PI16: variants seen among roughly 807,000 people sequenced by gnomAD.
PI16 encodes PSP94-binding protein.
In PI16, 35 loss-of-function variants were observed where a neutral mutation model predicts 38.0. The ratio of observed to expected loss-of-function variants is 0.92; its 90% CI spans 0.70 to 1.22. PI16 has a LOEUF of 1.22. PI16 is among the 50% of genes most tolerant of loss of function. The pLI is 0.00. For missense variants in PI16, 572 were observed against 593.8 expected, an observed-to-expected ratio of 0.96 and a Z score of 0.38; for synonymous variants, 275 against 252.9, an observed-to-expected ratio of 1.09 and a Z score of -0.83.
chr6:36,959,824 C>T (rs1173324188), intron 2 of PI16, among the ~76,000 whole-genome samples: 1 of 149,576 alleles, frequency 6.7e-6, no homozygotes, highest in Non-Finnish European at 1.5e-5. Context: ...GTCGTGATCA[C>T]ACCACTACAC....
chr6:36,956,561 G>A (rs1763212879), intron 1 of PI16, among the ~76,000 whole-genome samples: 1 of 152,206 alleles, frequency 6.6e-6, no homozygotes, highest in Non-Finnish European at 1.5e-5. Flanking sequence ...CAAGACTCAG[G>A]TTCAACCTCA....
chr6:36,952,002 C>CTT (rs796271084), upstream of PI16, among the ~76,000 whole-genome samples: 24 of 137,608 alleles, frequency 1.7e-4, no homozygotes, highest in African/African-American at 3.5e-4. Context: ...GAAATTGTGT[C>CTT]TTTTTTTTTT....
upstream of PI16, chr6:36,954,648 C>T: frequency 6.8e-7 from 1 of 1,478,134 alleles, no homozygotes; most frequent in Non-Finnish European, 9.0e-7. Flanking sequence ...TCGGGCTGGG[C>T]CTCAAACACG....
Position 36,959,206 on chromosome 6 carries a change from AC to A in PI16, c.234del (p.His78GlnfsTer94). On this transcript the variant is annotated frameshift_variant, in exon 2 of 7. Coordinates refer to ENST00000373674, the MANE Select transcript of PI16 (RefSeq NM_153370.3). LOFTEE classifies it high-confidence loss of function. Reference sequence around the variant, plus strand: ...TACGCACGGCAGTGCGTGTGGGGCCACAACAAGGAGCGCGGGCGCCGCGGCG... The same window carrying A: ...TACGCACGGCAGTGCGTGTGGGGCCAAACAAGGAGCGCGGGCGCCGCGGCG... ...KAYARQCVWGHNKERGRRGEN... is the reference protein window; with the variant it reads ...KAYARQCVWGXNKERGRRGEN... 6.2e-7 allele frequency: 1 copy of A among 1,611,488 alleles called. No individual in the cohort carries two copies. The highest frequency in any genetic ancestry group is 1.1e-5 in the South Asian group (1 of 90,574).
intron 2 of PI16, among the ~76,000 whole-genome samples, chr6:36,960,702 G>A (rs1297351078): frequency 3.8e-5 from 5 of 131,440 alleles, no homozygotes; most frequent in African/African-American, 1.4e-4. Flanking sequence ...TCAGGACCCA[G>A]CAGGGAGTGA....
Position 36,962,820 on chromosome 6 carries a change from G to C in PI16, c.593-115G>C, listed in dbSNP as rs913929804. On this transcript the variant is annotated intron_variant, in intron 4 of 6. Transcript: ENST00000373674. The surrounding 1 kb of genome is among the most constrained non-coding windows in gnomAD (Gnocchi z 4.1). Reference sequence around the variant, plus strand: ...GGGCATATCAGCTGGAGAAGTGTATGTGTGTGTTTGTGTGTCCTGGTAGGA... The same window carrying C: ...GGGCATATCAGCTGGAGAAGTGTATCTGTGTGTTTGTGTGTCCTGGTAGGA... 8 of 841,348 alleles carry C rather than the reference G, an allele frequency of 9.5e-6. No homozygotes were observed. Among genetic ancestry groups the C allele is most frequent in the Middle Eastern group, 3.5e-4 (1 of 2,830 alleles). 52.1% of individuals were successfully genotyped at this position (841,348 alleles called of 1,614,324 possible). A position where few individuals can be genotyped will look rare whatever the true frequency, so the allele number is the denominator to read the frequency against.
intron 1 of PI16, among the ~76,000 whole-genome samples, chr6:36,958,636 A>T (rs697746): frequency 0.61 from 91,943 of 150,828 alleles, 28,287 homozygotes; most frequent in Admixed American, 0.68. Context: ...GGGCTGGGTG[A>T]CCCAAGGGGA....
intron 1 of PI16, among the ~76,000 whole-genome samples, chr6:36,948,624 TTCCTTCCTCCTTCCC>T (rs1763049487): frequency 9.8e-6 from 1 of 101,536 alleles, no homozygotes; most frequent in African/African-American, 4.6e-5. Flanking sequence ...TTTTTTTTCC[TTCCTTCCTCCTTCCC>T]TCCTTCCTCC....
chr6:36,961,382 T>C (rs1763361100), intron 2 of PI16, 69 bp from the exon 3 acceptor site: 3 of 1,333,604 alleles, frequency 2.2e-6, no homozygotes, highest in Non-Finnish European at 3.2e-6. Flanking sequence ...AAGGCAGGTG[T>C]AGTGGGATGC....
rs374024999 is a variant in PI16, at chr6:36,957,501, C to T, written c.172-1644C>T. On this transcript the variant is annotated intron_variant, in intron 1 of 6. Transcript: ENST00000373674. ...TTTATGTCAATGGAAATTTGGGCTT[C>T]TTGGTTCCTGCTGTTGTCCCAGGGC... Among the ~76,000 whole-genome samples the T allele has an allele frequency of 2.0e-5, 3 of 152,254 alleles. No individual in the cohort carries two copies. The East Asian group carries it at 5.8e-4, about 29-fold the overall frequency.
intron 2 of PI16, among the ~76,000 whole-genome samples, chr6:36,959,785 T>C (rs1266353395): frequency 6.6e-6 from 1 of 151,602 alleles, no homozygotes; most frequent in Non-Finnish European, 1.5e-5. Flanking sequence ...GAAGGATCAC[T>C]TCAGCCCAGG....
intron 1 of PI16, among the ~76,000 whole-genome samples, chr6:36,957,261 C>A (rs146768011): frequency 1.3e-5 from 2 of 152,286 alleles, no homozygotes; most frequent in African/African-American, 4.8e-5. Flanking sequence ...AACAGCTTGT[C>A]TTTTCCCAGC....
In PI16 at chr6:36,962,353, G is replaced by T. The variant is rs976357703; in HGVS notation, c.592+379G>T. On this transcript the variant is annotated intron_variant, in intron 4 of 6. Coordinates refer to ENST00000373674, the MANE Select transcript of PI16 (RefSeq NM_153370.3). The surrounding 1 kb of genome is among the most constrained non-coding windows in gnomAD (Gnocchi z 4.1). ...TTGCTGGGGGCGTGTGAGGGACCGCGATCCCGCTGGAGAAGTCCCCTGAAA... is the reference window on the plus strand; with the variant it reads ...TTGCTGGGGGCGTGTGAGGGACCGCTATCCCGCTGGAGAAGTCCCCTGAAA... Among the ~76,000 whole-genome samples the T allele has an allele frequency of 6.6e-6, 1 of 152,244 alleles. No individual in the cohort carries two copies.
chr6:36,951,836 G>A (rs1763105114), upstream of PI16, among the ~76,000 whole-genome samples: 1 of 151,924 alleles, frequency 6.6e-6, no homozygotes, highest in Non-Finnish European at 1.5e-5. Context: ...GGAGGCGGAG[G>A]TTGCAGTAGC....
chr6:36,951,158 C>T (rs2150732499), upstream of PI16, among the ~76,000 whole-genome samples: 1 of 152,312 alleles, frequency 6.6e-6, no homozygotes, highest in East Asian at 1.9e-4. Context: ...TATATCTTCT[C>T]TGGAGAAATG....
At chr6:36,954,509 C>A, upstream of PI16, 1 of 490,836 alleles carries the variant, frequency 2.0e-6, no homozygotes, top group Non-Finnish European at 3.6e-6. Context: ...AACTTAGGAA[C>A]TCACACAGCT....
intron 1 of PI16, among the ~76,000 whole-genome samples, chr6:36,957,020 A>G (rs1004062051): frequency 3.3e-5 from 5 of 152,006 alleles, no homozygotes; most frequent in Admixed American, 2.0e-4. Context: ...TCTTCCACAC[A>G]AGGACTCCTA....
At chr6:36,957,287 C>T (rs1561894808) in intron 1 of PI16, among the ~76,000 whole-genome samples, 1 of 152,192 alleles carries the variant, frequency 6.6e-6, no homozygotes, top group Non-Finnish European at 1.5e-5. Flanking sequence ...TGTTTCCCAG[C>T]TTCATGCCTT....
At chr6:36,952,028 C>G (rs1214390916), upstream of PI16, among the ~76,000 whole-genome samples, 3 of 146,596 alleles carry the variant, frequency 2.0e-5, no homozygotes, top group Non-Finnish European at 3.0e-5. Context: ...TTTTGAGACT[C>G]CGTCACCCAG....
Sources: allele counts gnomAD v4.1 joint callset (sites outside exome capture counted in the v4.1 genomes callset), GRCh38; gene constraint gnomAD v4.1.1; non-coding constraint Gnocchi (gnomAD v3.1); transcripts MANE v1.5; gene names NCBI Gene and HGNC (gene_info 2026-07-23, HGNC 2026-07-21).